CHRM5: variants seen among roughly 807,000 people sequenced by gnomAD.
CHRM5 encodes muscarinic acetylcholine receptor M5.
Under a neutral mutation model 39.0 loss-of-function variants are expected in CHRM5, and 18 were observed. The ratio of observed to expected loss-of-function variants is 0.46; its 90% CI spans 0.32 to 0.68. The LOEUF (loss-of-function observed/expected upper bound fraction) is 0.68, where lower values mean the gene tolerates loss of function less well. Among genes scored for constraint, CHRM5 ranks in the 30% least tolerant of loss-of-function variants. The probability of loss-of-function intolerance (pLI) is 0.04; values close to 1 mark genes in which losing one functional copy is unlikely to be tolerated. For synonymous variants in CHRM5, 241 were observed against 246.3 expected (o/e 0.98, Z 0.20); for missense variants, 515 against 651.1 (o/e 0.79, Z 2.28).
At position 34,014,726 on chromosome 15, in the gene CHRM5, T is replaced by TGG. The variant is rs1299615688; in HGVS notation, c.-407-31814_-407-31813insGG. On this transcript the variant is annotated intron_variant, in intron 1 of 2. Transcript: ENST00000383263. ...AGCGGGCCCATCTGGGAACAGCGGC[T>TGG]AAATATGTTGGGTCTACTCCAACAG... Among the ~76,000 whole-genome samples the TGG allele has an allele frequency of 2.6e-4, 40 of 152,110 alleles. 1 individual carries two copies. Among genetic ancestry groups the TGG allele is most frequent in the Admixed American group, 2.2e-3 (34 of 15,268 alleles).
intron 2 of CHRM5, among the ~76,000 whole-genome samples, chr15:34,059,848 C>A (rs1365358884): frequency 1.3e-5 from 2 of 152,208 alleles, no homozygotes; most frequent in Non-Finnish European, 1.5e-5. Context: ...TGTTGCACCC[C>A]TGCTATTTCT....
chr15:34,015,459 G>A (rs1028737707), intron 1 of CHRM5, among the ~76,000 whole-genome samples: 3 of 151,904 alleles, frequency 2.0e-5, no homozygotes, highest in Non-Finnish European at 4.4e-5. Flanking sequence ...TCCAGCCTGG[G>A]TGACAGAGCG....
chr15:34,022,128 G>A (rs548418657), intron 1 of CHRM5, among the ~76,000 whole-genome samples: 1 of 152,312 alleles, frequency 6.6e-6, no homozygotes, highest in East Asian at 1.9e-4. Context: ...AAAGCTGTTT[G>A]GCTGGCATGC....
intron 1 of CHRM5, among the ~76,000 whole-genome samples, chr15:34,043,203 C>T (rs1360019537): frequency 2.6e-5 from 4 of 150,978 alleles, no homozygotes; most frequent in Admixed American, 6.6e-5. Flanking sequence ...GCCGAGATCA[C>T]ACCACTGCAC....
rs1295747304 is a variant in CHRM5 at position 34,045,893 on chromosome 15, A to G, written c.-407-647A>G. 3.9e-5 allele frequency among the ~76,000 whole-genome samples: 6 copies of G among 152,328 alleles called. No homozygotes were observed. In the East Asian group the frequency reaches 1.2e-3, roughly 29 times the overall value. ...ACAAGAAACAATCGGCCAAGGTTGG[A>G]AACCCAGAGGCTTTTATTACTGTGG... is the stretch of plus-strand genomic sequence containing the variant. On this transcript the variant is annotated intron_variant, in intron 1 of 2. Coordinates refer to ENST00000383263, the MANE Select transcript of CHRM5 (RefSeq NM_012125.4).
chr15:33,974,963 ACT>A (rs763847504), intron 1 of CHRM5, among the ~76,000 whole-genome samples: 12 of 152,124 alleles, frequency 7.9e-5, no homozygotes, highest in Admixed American at 2.0e-4. Context: ...CAAGGGCGAA[ACT>A]CTATCCTGAA....
chr15:33,992,602 T>C (rs1896776487), intron 1 of CHRM5, among the ~76,000 whole-genome samples: 1 of 152,218 alleles, frequency 6.6e-6, no homozygotes, highest in South Asian at 2.1e-4. Context: ...AAGAATCTTC[T>C]TCTACTATAT....
chr15:33,997,277 A>G (rs759212277), intron 1 of CHRM5, among the ~76,000 whole-genome samples: 10 of 152,222 alleles, frequency 6.6e-5, no homozygotes, highest in Non-Finnish European at 1.5e-4. Flanking sequence ...GCAAACACAA[A>G]TATCAAAAGA....
intron 1 of CHRM5, among the ~76,000 whole-genome samples, chr15:34,015,205 C>T (rs1314541473): frequency 2.0e-5 from 3 of 152,036 alleles, no homozygotes; most frequent in Non-Finnish European, 2.9e-5. Context: ...CAAAATAGGC[C>T]GGGCGCAGTG....
At chr15:34,001,421 T>C (rs1416001143) in intron 1 of CHRM5, among the ~76,000 whole-genome samples, 1 of 152,210 alleles carries the variant, frequency 6.6e-6, no homozygotes, top group African/African-American at 2.4e-5. Context: ...AAATCTACTT[T>C]AGTCCACAAG....
chr15:34,037,570 G>A (rs1180822881), intron 1 of CHRM5, among the ~76,000 whole-genome samples: 1 of 149,046 alleles, frequency 6.7e-6, no homozygotes, highest in African/African-American at 2.4e-5. Context: ...ATATAATAGA[G>A]TTATAAGAAC....
At chr15:34,050,189 C>A (rs924716024) in intron 2 of CHRM5, among the ~76,000 whole-genome samples, 1 of 152,038 alleles carries the variant, frequency 6.6e-6, no homozygotes, top group Admixed American at 6.6e-5. Flanking sequence ...TGCCTGGCCT[C>A]AACATTCTAA....
At chr15:34,051,995 A>G (rs1455007062) in intron 2 of CHRM5, among the ~76,000 whole-genome samples, 3 of 152,200 alleles carry the variant, frequency 2.0e-5, no homozygotes, top group African/African-American at 2.4e-5. Flanking sequence ...GACTCATTCT[A>G]TGAAGCCAGC....
Position 34,038,810 on chromosome 15 carries a change from C to T in CHRM5, c.-407-7730C>T, listed in dbSNP as rs751434700. ...CGCTGGCCCCTGCGCCCCAGCCTCC[C>T]GGCTCCCGGCGGCTGCCTCGCGGGG... is the stretch of plus-strand genomic sequence containing the variant. On this transcript the variant is annotated intron_variant, in intron 1 of 2. Transcript: ENST00000383263. 40 of 1,192,412 alleles carry T rather than the reference C, an allele frequency of 3.4e-5. No individual in the cohort carries two copies. The Middle Eastern group carries it at 1.4e-3, about 41-fold the overall frequency. The allele number at this position is 1,192,412 out of a possible 1,614,324, so 73.9% of individuals were successfully genotyped here.
intron 1 of CHRM5, chr15:33,972,126 T>C (rs927002875): frequency 6.6e-6 from 1 of 152,276 alleles, no homozygotes. Context: ...AAAAGTACCA[T>C]CTCACAGTTT....
At chr15:33,991,790 G>A (rs138077498) in intron 1 of CHRM5, 22 of 152,218 alleles carry the variant, frequency 1.4e-4, no homozygotes, top group African/African-American at 4.8e-4. Flanking sequence ...TTACTAGACA[G>A]AAAGGTAGAA....
chr15:34,056,073 T>C (rs999257265), intron 2 of CHRM5, among the ~76,000 whole-genome samples: 3 of 152,188 alleles, frequency 2.0e-5, no homozygotes, highest in Non-Finnish European at 4.4e-5. Flanking sequence ...ACTCAAAATA[T>C]GCTGAGGGCT....
intron 1 of CHRM5, among the ~76,000 whole-genome samples, chr15:33,981,201 A>C (rs545155710): frequency 3.2e-4 from 48 of 152,360 alleles, no homozygotes; most frequent in Admixed American, 1.6e-3. Context: ...ATGCCTTATC[A>C]ATTTTCCTAA....
At chr15:34,009,928 C>T (rs746416721) in intron 1 of CHRM5, among the ~76,000 whole-genome samples, 11 of 152,244 alleles carry the variant, frequency 7.2e-5, no homozygotes, top group Non-Finnish European at 1.2e-4. Context: ...TGACACTGTA[C>T]TCCAGCCTGG....
Sources: allele counts gnomAD v4.1 joint callset (sites outside exome capture counted in the v4.1 genomes callset), GRCh38; gene constraint gnomAD v4.1.1; transcripts MANE v1.5; gene names NCBI Gene and HGNC (gene_info 2026-07-23, HGNC 2026-07-21).